RBM26: variants seen among roughly 807,000 people sequenced by gnomAD.
The protein encoded by RBM26 is RNA-binding protein 26.
In RBM26, 30 loss-of-function variants were observed where a neutral mutation model predicts 123.6. The observed-to-expected ratio is 0.24, with a 90% CI of 0.18 to 0.33. RBM26 has a LOEUF of 0.33. Ranked by LOEUF, RBM26 falls within the 10% of genes least tolerant of loss-of-function variation. The probability of loss-of-function intolerance (pLI) is 1.00; values close to 1 mark genes in which losing one functional copy is unlikely to be tolerated. For synonymous variants in RBM26, 400 were observed against 404.4 expected, an observed-to-expected ratio of 0.99 and a Z score of 0.13; for missense variants, 947 against 1,203.6, an observed-to-expected ratio of 0.79 and a Z score of 3.15.
At chr13:79,356,737 T>C (rs2074067102) in intron 11 of RBM26, among the ~76,000 whole-genome samples, 1 of 152,174 alleles carries the variant, frequency 6.6e-6, no homozygotes, top group African/African-American at 2.4e-5. Flanking sequence ...GAAAAACATG[T>C]TTTAAGAACA....
chr13:79,355,192 C>T (rs781456128), intron 12 of RBM26, 28 bp downstream of exon 12: 9 of 1,606,098 alleles, frequency 5.6e-6, no homozygotes, highest in Admixed American at 3.4e-5. Flanking sequence ...AAGAAATGCG[C>T]GTACTTTTAC....
At chr13:79,336,555 C>T (rs368840416) in intron 19 of RBM26, among the ~76,000 whole-genome samples, 117 of 152,206 alleles carry the variant, frequency 7.7e-4, no homozygotes, top group African/African-American at 2.6e-3. Flanking sequence ...CCCAGGAAGT[C>T]CAAGTTAAAT....
chr13:79,378,749 T>G, intron 2 of RBM26, 40 bp downstream of exon 2: 3 of 1,300,320 alleles, frequency 2.3e-6, no homozygotes, highest in Non-Finnish European at 3.3e-6. Context: ...CTTAAATAAC[T>G]TTTTAAAATA....
intron 20 of RBM26, among the ~76,000 whole-genome samples, chr13:79,326,019 C>T (rs1255836474): frequency 6.6e-6 from 1 of 152,280 alleles, no homozygotes; most frequent in Non-Finnish European, 1.5e-5. Flanking sequence ...TAGCCTAAGA[C>T]CAACGGGCTA....
rs767716124 is a variant in RBM26 at position 79,365,937 on chromosome 13, C to T, written c.1276+118G>A. 1.8e-4 allele frequency: 187 copies of T among 1,068,430 alleles called. 1 individual carries two copies. The highest frequency in any genetic ancestry group is 5.8e-4 in the Middle Eastern group (2 of 3,460). 66.2% of individuals were successfully genotyped at this position (1,068,430 alleles called of 1,614,324 possible). Reference sequence around the variant, plus strand: ...GGGCTTATTTAATGTTCATTCACCACGGCTACATAATTTTAGTGAGAAAAG... The same window carrying T: ...GGGCTTATTTAATGTTCATTCACCATGGCTACATAATTTTAGTGAGAAAAG... On this transcript the variant is annotated intron_variant, in intron 8 of 21. Coordinates refer to ENST00000438737, the MANE Select transcript of RBM26 (RefSeq NM_001366735.2).
chr13:79,404,618 A>C (rs953536966), intron 1 of RBM26, among the ~76,000 whole-genome samples: 2 of 152,180 alleles, frequency 1.3e-5, no homozygotes, highest in Admixed American at 1.3e-4. Context: ...AACACACCAC[A>C]ATCACTTCTG....
rs1434695338 is a variant in RBM26 at position 79,319,551 on chromosome 13, A to G, written c.*1070T>C. The G allele has an allele frequency of 2.0e-6, 2 of 982,906 alleles. No homozygotes were observed. The highest frequency in any genetic ancestry group is 2.4e-6 in the Non-Finnish European group (2 of 827,912). 60.9% of individuals were successfully genotyped at this position (982,906 alleles called of 1,614,324 possible). Reference sequence around the variant, plus strand: ...AACACTTACCAAACAGTGTTTTCCTAAAGTAGTATCTATAGTACATTTCTT... The same window carrying G: ...AACACTTACCAAACAGTGTTTTCCTGAAGTAGTATCTATAGTACATTTCTT... On this transcript the variant is annotated 3_prime_UTR_variant, in exon 22 of 22. Transcript: ENST00000438737.
chr13:79,391,446 G>C (rs1276023066), intron 1 of RBM26, among the ~76,000 whole-genome samples: 1 of 152,016 alleles, frequency 6.6e-6, no homozygotes, highest in African/African-American at 2.4e-5. Flanking sequence ...GTTTTTTTGA[G>C]ACAGTCTTGT....
At chr13:79,374,077 G>C (rs975463368) in intron 3 of RBM26, among the ~76,000 whole-genome samples, 4 of 152,092 alleles carry the variant, frequency 2.6e-5, no homozygotes, top group Non-Finnish European at 4.4e-5. Flanking sequence ...AGAACCATAA[G>C]ATATTCTCAT....
chr13:79,388,942 G>T (rs2077709017), intron 1 of RBM26, among the ~76,000 whole-genome samples: 1 of 152,104 alleles, frequency 6.6e-6, no homozygotes, highest in African/African-American at 2.4e-5. Flanking sequence ...ACTATTACAA[G>T]GAGCAACAAA....
intron 1 of RBM26, among the ~76,000 whole-genome samples, chr13:79,403,757 T>A (rs1422727127): frequency 6.6e-6 from 1 of 152,202 alleles, no homozygotes; most frequent in Admixed American, 6.5e-5. Context: ...CGCTATACTA[T>A]GATGCCCACT....
In RBM26 at chr13:79,353,155, T is replaced by C. The variant is rs765300065; in HGVS notation, c.2056A>G (p.Lys686Glu). The C allele has an allele frequency of 4.4e-6, 7 of 1,580,626 alleles. No homozygotes were observed. Among genetic ancestry groups the C allele is most frequent in the Non-Finnish European group, 6.0e-6 (7 of 1,159,244 alleles). Residue 686 changes from lysine (K) to glutamate (E), a missense_variant and splice_region_variant, in exon 14 of 22, where the codon AAG (lysine) becomes GAG (glutamate). Lys to Glu is a moderately conservative substitution (Grantham distance 56, BLOSUM62 1). This residue lies in a region of RBM26 where 493 missense variants were observed against 563.1 expected (regional missense o/e 0.88). Coordinates refer to ENST00000438737, the MANE Select transcript of RBM26 (RefSeq NM_001366735.2). ...VSKPSVSATEKVLSTSTGLTK... is the reference protein window; with the variant it reads ...VSKPSVSATEEVLSTSTGLTK... ...ACACATCATGCTATTCTTCTTACCT[T>C]TTCAGTTGCTGAAACAGATGGCTTT...
Position 79,342,653 on chromosome 13 carries a change from A to C in RBM26, c.2427+11T>G. 6.9e-7 allele frequency: 1 copy of C among 1,440,912 alleles called. No individual in the cohort carries two copies. The allele number at this position is 1,440,912 out of a possible 1,614,324, so 89.3% of individuals were successfully genotyped here. ...ATAAGTAATAATATGAACAACAATG[A>C]AATTAAATACCTGAGTCTTGGTTTT... On this transcript the variant is annotated intron_variant, in intron 17 of 21. Transcript: ENST00000438737.
chr13:79,400,848 C>T (rs950997126), intron 1 of RBM26, among the ~76,000 whole-genome samples: 2 of 152,064 alleles, frequency 1.3e-5, no homozygotes, highest in African/African-American at 2.4e-5. Context: ...AATTATATTA[C>T]AACGAAGAAA....
intron 1 of RBM26, among the ~76,000 whole-genome samples, chr13:79,404,985 C>T (rs1295754919): frequency 6.6e-6 from 1 of 152,158 alleles, no homozygotes; most frequent in Admixed American, 6.5e-5. Flanking sequence ...CACTTTGGTC[C>T]ATGTCATATT....
At chr13:79,379,371 CAAAAAA>C (rs1160901778) in intron 1 of RBM26, among the ~76,000 whole-genome samples, 2 of 79,442 alleles carry the variant, frequency 2.5e-5, no homozygotes, top group African/African-American at 5.0e-5. Flanking sequence ...CAGTCTCTAC[CAAAAAA>C]AAAAAAAAAA....
At position 79,405,876 on chromosome 13, in the gene RBM26, G is replaced by C. The variant is rs1286722467; in HGVS notation, c.-102C>G. Reference sequence around the variant, plus strand: ...CCCTCCTCCGCGCGCCGCCCGCGTGGGCCGCGGTGGGAGGCGCCGGTGGCA... The same window carrying C: ...CCCTCCTCCGCGCGCCGCCCGCGTGCGCCGCGGTGGGAGGCGCCGGTGGCA... On this transcript the variant is annotated 5_prime_UTR_variant, in exon 1 of 22. Transcript: ENST00000438737. The C allele has an allele frequency of 1.3e-5, 8 of 604,688 alleles. No individual in the cohort carries two copies. The East Asian group carries it at 1.5e-4, about 12-fold the overall frequency. The allele number at this position is 604,688 out of a possible 1,614,324, so 37.5% of individuals were successfully genotyped here.
Position 79,337,301 on chromosome 13 carries a change from G to A in RBM26, c.2534C>T (p.Ala845Val). ...RRKYTELQLE[A>V]AKRGILSSGR... is the part of the protein sequence containing the mutation. Reference sequence around the variant, plus strand: ...AGATGAAAGAATCCCTCGTTTGGCAGCCTAGAAGAGATTAGACACACAGGT... The same window carrying A: ...AGATGAAAGAATCCCTCGTTTGGCAACCTAGAAGAGATTAGACACACAGGT... Residue 845 changes from alanine to valine, a missense_variant and splice_region_variant, in exon 19 of 22, where the codon GCT becomes GTT. By Grantham distance (64) the Ala-to-Val change is moderately conservative. Around this residue, in one of 5 missense-constraint regions of RBM26, gnomAD observed 164 missense variants for 215.3 expected, o/e 0.76. Transcript: ENST00000438737. The A allele has an allele frequency of 6.2e-7, 1 of 1,614,072 alleles. No individual in the cohort carries two copies. Among genetic ancestry groups the A allele is most frequent in the Non-Finnish European group, 8.5e-7 (1 of 1,179,992 alleles).
chr13:79,342,878 A>G, intron 16 of RBM26, 47 bp from the exon 17 acceptor site: 2 of 1,200,998 alleles, frequency 1.7e-6, no homozygotes, highest in Non-Finnish European at 2.4e-6. Flanking sequence ...TACTCCTATT[A>G]TCATTAACAA....
Sources: allele counts gnomAD v4.1 joint callset (sites outside exome capture counted in the v4.1 genomes callset), GRCh38; gene constraint gnomAD v4.1.1; regional missense constraint gnomAD v4.1.1; transcripts MANE v1.5; gene names NCBI Gene and HGNC (gene_info 2026-07-23, HGNC 2026-07-21).